Variants in WDFY2 observed in about 807,000 individuals in gnomAD.
WDFY2 encodes the protein WD repeat and FYVE domain-containing protein 2.
Under a neutral mutation model 56.4 loss-of-function variants are expected in WDFY2, and 36 were observed. The observed-to-expected ratio is 0.64, with a 90% CI of 0.49 to 0.84. The LOEUF (loss-of-function observed/expected upper bound fraction) is 0.84, where lower values mean the gene tolerates loss of function less well. Ranked by LOEUF, WDFY2 falls within the 40% of genes least tolerant of loss-of-function variation. The pLI, the probability that WDFY2 is intolerant of heterozygous loss-of-function variation, is 0.00. For missense variants in WDFY2, 444 were observed against 512.2 expected (o/e 0.87, Z 1.29); for synonymous variants, 176 against 183.7 (o/e 0.96, Z 0.34).
At chr13:51,676,377 G>A (rs1022030639) in intron 3 of WDFY2, among the ~76,000 whole-genome samples, 5 of 152,250 alleles carry the variant, frequency 3.3e-5, no homozygotes, top group Admixed American at 2.6e-4. Context: ...ACCACAATAT[G>A]GCGTGGAACT....
At chr13:51,710,691 C>G (rs1282050906) in intron 4 of WDFY2, among the ~76,000 whole-genome samples, 6 of 151,940 alleles carry the variant, frequency 3.9e-5, no homozygotes, top group South Asian at 2.1e-4. Context: ...ATTCACAATT[C>G]CTTCAAAGAG....
In WDFY2 at chr13:51,738,915, C is replaced by T. The variant is rs148125196; in HGVS notation, c.599-134C>T. 135 of 1,172,536 alleles carry T rather than the reference C, an allele frequency of 1.2e-4. 1 individual carries two copies. In the East Asian group the frequency reaches 3.6e-3, roughly 32 times the overall value. 72.6% of individuals were successfully genotyped at this position (1,172,536 alleles called of 1,614,324 possible). A position where few individuals can be genotyped will look rare whatever the true frequency, so the allele number is the denominator to read the frequency against. On this transcript the variant is annotated intron_variant, in intron 6 of 11. Coordinates refer to ENST00000298125, the MANE Select transcript of WDFY2 (RefSeq NM_052950.4). The stretch of plus-strand genomic sequence containing the variant: ...CAACTTTTTTCTCTTTGGGGACTTA[C>T]TTGATTGTTCTTTCAATAAGAATTT...
At chr13:51,590,629 C>T (rs1211688748) in intron 1 of WDFY2, 1 of 152,024 alleles carries the variant, frequency 6.6e-6, no homozygotes, top group African/African-American at 2.4e-5. Context: ...AGAGACTGAC[C>T]ACCATACCAA....
intron 1 of WDFY2, among the ~76,000 whole-genome samples, chr13:51,592,746 CT>C (rs1954074697): frequency 6.6e-6 from 1 of 152,084 alleles, no homozygotes. Flanking sequence ...AAATTATTAT[CT>C]CTTTTCCGAT....
At chr13:51,719,443 G>A in intron 5 of WDFY2, 95 bp downstream of exon 5, 1 of 1,349,364 alleles carries the variant, frequency 7.4e-7, no homozygotes, top group Non-Finnish European at 1.0e-6. Flanking sequence ...TGAAAGTTTT[G>A]TTAATGACAG....
intron 3 of WDFY2, among the ~76,000 whole-genome samples, chr13:51,690,363 A>G (rs1316458839): frequency 9.3e-6 from 1 of 107,138 alleles, no homozygotes; most frequent in Non-Finnish European, 1.7e-5. Context: ...ACCCCATAAC[A>G]GTCCCCAGAG....
At chr13:51,620,356 T>C (rs925403420) in intron 1 of WDFY2, among the ~76,000 whole-genome samples, 3 of 152,056 alleles carry the variant, frequency 2.0e-5, no homozygotes, top group African/African-American at 7.2e-5. Flanking sequence ...ACGGCATCCC[T>C]CCCTGGTGTC....
intron 7 of WDFY2, among the ~76,000 whole-genome samples, chr13:51,743,273 G>A (rs1953016221): frequency 1.3e-5 from 2 of 152,220 alleles, no homozygotes; most frequent in East Asian, 3.9e-4. Context: ...GCTGGAAAAT[G>A]TGGTCATTAG....
chr13:51,711,609 C>A (rs1952219418), intron 4 of WDFY2, among the ~76,000 whole-genome samples: 1 of 152,192 alleles, frequency 6.6e-6, no homozygotes, highest in Non-Finnish European at 1.5e-5. Context: ...AATCAAACAA[C>A]CCCATCAAAA....
chr13:51,755,027 GAACCTC>G (rs1311501705), intron 8 of WDFY2, among the ~76,000 whole-genome samples: 1 of 152,116 alleles, frequency 6.6e-6, no homozygotes, highest in Admixed American at 6.5e-5. Context: ...ATTTGTCTGA[GAACCTC>G]AGCCTGGGTC....
At chr13:51,743,591 T>C (rs1453164691) in intron 7 of WDFY2, among the ~76,000 whole-genome samples, 1 of 152,208 alleles carries the variant, frequency 6.6e-6, no homozygotes, top group African/African-American at 2.4e-5. Flanking sequence ...CTGTAGAATT[T>C]CCTATGGAAA....
intron 1 of WDFY2, chr13:51,599,263 G>A (rs1176590269): frequency 2.0e-5 from 3 of 152,202 alleles, no homozygotes; most frequent in Admixed American, 2.0e-4. Context: ...TTTGGCCTTG[G>A]AGGCTACTTA....
intron 3 of WDFY2, among the ~76,000 whole-genome samples, chr13:51,689,958 G>T (rs1398676257): frequency 6.6e-6 from 1 of 152,010 alleles, no homozygotes; most frequent in Non-Finnish European, 1.5e-5. Context: ...TCTAAGAAAT[G>T]TGCAAATTGT....
At chr13:51,629,861 T>A (rs1305124762) in intron 1 of WDFY2, among the ~76,000 whole-genome samples, 1 of 137,840 alleles carries the variant, frequency 7.3e-6, no homozygotes, top group Non-Finnish European at 1.5e-5. Context: ...ATGTATTACA[T>A]CTGAAAAATA....
intron 6 of WDFY2, among the ~76,000 whole-genome samples, chr13:51,736,394 T>C (rs908837935): frequency 3.9e-5 from 6 of 152,224 alleles, no homozygotes; most frequent in Non-Finnish European, 5.9e-5. Context: ...ACACTTATAA[T>C]ACCATATCCA....
At chr13:51,716,865 G>C (rs893303164) in intron 4 of WDFY2, among the ~76,000 whole-genome samples, 3 of 150,858 alleles carry the variant, frequency 2.0e-5, no homozygotes, top group African/African-American at 4.9e-5. Context: ...ATTCCAGATA[G>C]GCAAAGCAGG....
At chr13:51,600,567 A>G (rs1423449843) in intron 1 of WDFY2, among the ~76,000 whole-genome samples, 1 of 152,192 alleles carries the variant, frequency 6.6e-6, no homozygotes, top group Non-Finnish European at 1.5e-5. Flanking sequence ...GATTGATCTC[A>G]GACTCCCAGA....
intron 7 of WDFY2, among the ~76,000 whole-genome samples, chr13:51,743,340 C>A (rs1953017905): frequency 6.6e-6 from 1 of 152,182 alleles, no homozygotes; most frequent in Non-Finnish European, 1.5e-5. Context: ...CTGCCAATGG[C>A]CTGCAGCCTC....
In WDFY2 at chr13:51,765,036, T is replaced by C. The variant is rs1378179445; in HGVS notation, c.*5267T>C. ...CAAGTCACAGATGATTCCAGTACAA[T>C]GTGGGAGGTCCTCCTTACAGGGGCA... On this transcript the variant is annotated 3_prime_UTR_variant, in exon 12 of 12. Transcript: ENST00000298125. 1 of 152,160 alleles carries C rather than the reference T, an allele frequency of 6.6e-6. No homozygotes were observed. The highest frequency in any genetic ancestry group is 2.4e-5 in the African/African-American group (1 of 41,396). The allele number at this position is 152,160 out of a possible 1,614,324, so 9.4% of individuals were successfully genotyped here. A position where few individuals can be genotyped will look rare whatever the true frequency, so the allele number is the denominator to read the frequency against.
Sources: gnomAD v4.1 joint callset for allele counts (sites outside exome capture counted in the v4.1 genomes callset) on GRCh38, gnomAD v4.1.1 for gene constraint, MANE v1.5 for transcripts, NCBI Gene and HGNC (gene_info 2026-07-23, HGNC 2026-07-21) for gene names.